Variants in SLC4A10 observed in about 807,000 individuals in gnomAD.
The protein encoded by SLC4A10 is solute carrier family 4 member 10.
A neutral mutation model predicts 137.7 loss-of-function variants in SLC4A10; 42 were observed. That is an observed-to-expected ratio of 0.30 (90% confidence interval 0.24 to 0.39). SLC4A10 has a LOEUF of 0.39. Among genes scored for constraint, SLC4A10 ranks in the 10% least tolerant of loss-of-function variants. The pLI, the probability that SLC4A10 is intolerant of heterozygous loss-of-function variation, is 1.00. For synonymous variants in SLC4A10, 474 were observed against 464.1 expected, an observed-to-expected ratio of 1.02 and a Z score of -0.27; for missense variants, 925 against 1,355.0, an observed-to-expected ratio of 0.68 and a Z score of 4.98.
At chr2:161,651,186 C>G (rs1199360930) in intron 1 of SLC4A10, 1 of 152,506 alleles carries the variant, frequency 6.6e-6, no homozygotes, top group African/African-American at 2.4e-5. Flanking sequence ...CATTTTGGGA[C>G]TCCTCGCCTG....
chr2:161,757,483 G>A (rs965990119), intron 1 of SLC4A10, among the ~76,000 whole-genome samples: 2 of 152,080 alleles, frequency 1.3e-5, no homozygotes, highest in Non-Finnish European at 2.9e-5. Context: ...CTCCCAGATA[G>A]CATTATAACC....
At chr2:161,943,397 T>C (rs1043059874) in intron 16 of SLC4A10, among the ~76,000 whole-genome samples, 6 of 152,186 alleles carry the variant, frequency 3.9e-5, no homozygotes, top group Admixed American at 6.6e-5. Context: ...CTTTCTTTTT[T>C]CCATTTTATT....
Position 161,981,536 on chromosome 2 carries a change from C to A in SLC4A10, c.*27-1643C>A, listed in dbSNP as rs879768443. The stretch of plus-strand genomic sequence containing the variant: ...AAAACTGAACCTAGATCTTCCAACA[C>A]CAAGCCCAGTGCTGCCCTTTTTCAT... On this transcript the variant is annotated intron_variant, in intron 26 of 26. Coordinates refer to ENST00000446997, the MANE Select transcript of SLC4A10 (RefSeq NM_001178015.2). 2.6e-5 allele frequency among the ~76,000 whole-genome samples: 4 copies of A among 152,194 alleles called. No individual in the cohort carries two copies. In the East Asian group the frequency reaches 7.7e-4, roughly 29 times the overall value.
chr2:161,871,157 G>T (rs560640080), intron 6 of SLC4A10, among the ~76,000 whole-genome samples: 52 of 151,856 alleles, frequency 3.4e-4, no homozygotes, highest in African/African-American at 1.1e-3. Flanking sequence ...TTTTTGTGGG[G>T]TTTTTTTGCA....
At chr2:161,739,809 T>G (rs2047700441) in intron 1 of SLC4A10, among the ~76,000 whole-genome samples, 1 of 152,230 alleles carries the variant, frequency 6.6e-6, no homozygotes, top group East Asian at 1.9e-4. Flanking sequence ...TCTGCATTAT[T>G]GCAGTACCCC....
rs1347951252 is a variant in SLC4A10, at chr2:161,983,747, T to C, written c.*595T>C. 6.6e-6 allele frequency: 1 copy of C among 152,362 alleles called. No homozygotes were observed. Among genetic ancestry groups the C allele is most frequent in the Admixed American group, 6.5e-5 (1 of 15,288 alleles). The allele number at this position is 152,362 out of a possible 1,614,324, so 9.4% of individuals were successfully genotyped here. On this transcript the variant is annotated 3_prime_UTR_variant, in exon 27 of 27. Coordinates refer to ENST00000446997, the MANE Select transcript of SLC4A10 (RefSeq NM_001178015.2). ...ATTTATGCATTTCCTTGATTTAATATGATAAATTTAATACTTAACAATTTA... is the reference window on the plus strand; with the variant it reads ...ATTTATGCATTTCCTTGATTTAATACGATAAATTTAATACTTAACAATTTA...
At chr2:161,848,478 C>T (rs2059628794) in intron 4 of SLC4A10, among the ~76,000 whole-genome samples, 1 of 152,020 alleles carries the variant, frequency 6.6e-6, no homozygotes. Context: ...AATGGTATTT[C>T]CTGGATTTTC....
chr2:161,778,884 G>T (rs577127571), intron 2 of SLC4A10, among the ~76,000 whole-genome samples: 1 of 152,030 alleles, frequency 6.6e-6, no homozygotes, highest in Admixed American at 6.6e-5. Context: ...TGGGCAAAAA[G>T]AATCAGCTTA....
chr2:161,906,962 A>C (rs1450799079), intron 15 of SLC4A10, among the ~76,000 whole-genome samples: 1 of 149,496 alleles, frequency 6.7e-6, no homozygotes, highest in African/African-American at 2.4e-5. Flanking sequence ...AGGCTGAGGC[A>C]GGAGAATGGC....
intron 3 of SLC4A10, among the ~76,000 whole-genome samples, chr2:161,822,108 A>C (rs1404813823): frequency 1.3e-5 from 2 of 152,190 alleles, no homozygotes; most frequent in African/African-American, 2.4e-5. Context: ...GTTTACTTAC[A>C]AATAGTATTT....
In SLC4A10 at chr2:161,824,122, G is replaced by A. The variant is rs148387331; in HGVS notation, c.278-15667G>A. Among the ~76,000 whole-genome samples, 610 of 152,296 alleles carry A rather than the reference G, an allele frequency of 4.0e-3. 5 individuals carry two copies. Among genetic ancestry groups the A allele is most frequent in the African/African-American group, 0.013 (558 of 41,548 alleles). ...TCAATGTTGGACAATGCCTCTGGCC[G>A]TGTAGAAACCCAGGAGCTAATGTTC... On this transcript the variant is annotated intron_variant, in intron 3 of 26. Transcript: ENST00000446997.
intron 15 of SLC4A10, among the ~76,000 whole-genome samples, chr2:161,907,164 C>G (rs977737536): frequency 2.0e-5 from 3 of 146,972 alleles, no homozygotes; most frequent in Admixed American, 2.0e-4. Flanking sequence ...TAACTTTAAA[C>G]AACTGACCCC....
intron 10 of SLC4A10, among the ~76,000 whole-genome samples, chr2:161,883,551 A>G (rs796897043): frequency 3.3e-5 from 5 of 152,326 alleles, no homozygotes; most frequent in African/African-American, 1.2e-4. Flanking sequence ...AACGACTGCC[A>G]TAAGAAACTA....
chr2:161,787,924 A>T (rs973957212), intron 2 of SLC4A10, among the ~76,000 whole-genome samples: 63 of 152,124 alleles, frequency 4.1e-4, no homozygotes, highest in African/African-American at 1.5e-3. Flanking sequence ...TTTGTTTAGG[A>T]TCCATTGCTA....
chr2:161,894,392 G>T (rs1200615320), intron 10 of SLC4A10, among the ~76,000 whole-genome samples: 1 of 151,906 alleles, frequency 6.6e-6, no homozygotes, highest in Non-Finnish European at 1.5e-5. Context: ...AATAACTTTT[G>T]CCTAATTCTA....
At chr2:161,790,748 C>T (rs951780763) in intron 2 of SLC4A10, among the ~76,000 whole-genome samples, 2 of 152,168 alleles carry the variant, frequency 1.3e-5, no homozygotes, top group East Asian at 3.9e-4. Flanking sequence ...GGAACAAGAA[C>T]TAAATAAGAG....
intron 1 of SLC4A10, among the ~76,000 whole-genome samples, chr2:161,648,244 A>T (rs765121905): frequency 2.0e-5 from 3 of 151,668 alleles, no homozygotes; most frequent in Non-Finnish European, 4.4e-5. Flanking sequence ...GCATTCTCTT[A>T]TAGTTTACTT....
rs1485350416 is a variant in SLC4A10, at chr2:161,640,642, TTCCTTCCTTCCTTCC to T, written c.48+16078_48+16092del. On this transcript the variant is annotated intron_variant, in intron 1 of 26. Coordinates refer to ENST00000446997, the MANE Select transcript of SLC4A10 (RefSeq NM_001178015.2). Reference sequence around the variant, plus strand: ...CTTCCTTCCTTCCTTCCTTCCTTCCTTCCTTCCTTCCTTCCTTCTTTCTTTTTGAGATGGGGTCTT... The same window carrying T: ...CTTCCTTCCTTCCTTCCTTCCTTCCTTTCTTTCTTTTTGAGATGGGGTCTT... 6.7e-3 allele frequency among the ~76,000 whole-genome samples: 990 copies of T among 146,956 alleles called. 19 individuals carry two copies. Among genetic ancestry groups the T allele is most frequent in the African/African-American group, 0.021 (796 of 38,696 alleles).
At chr2:161,663,101 T>C (rs1481407050) in intron 1 of SLC4A10, among the ~76,000 whole-genome samples, 3 of 152,216 alleles carry the variant, frequency 2.0e-5, no homozygotes, top group African/African-American at 4.8e-5. Flanking sequence ...TATCATACTC[T>C]TGTTCACAGT....
Sources: gnomAD v4.1 joint callset for allele counts (sites outside exome capture counted in the v4.1 genomes callset) on GRCh38, gnomAD v4.1.1 for gene constraint, MANE v1.5 for transcripts, NCBI Gene and HGNC (gene_info 2026-07-23, HGNC 2026-07-21) for gene names.